Variants in PPIB observed in about 807,000 individuals in gnomAD.
The protein encoded by PPIB is peptidylprolyl isomerase B, also known as peptidyl-prolyl cis-trans isomerase B.
In PPIB, 15 loss-of-function variants were observed where a neutral mutation model predicts 20.1. The observed-to-expected ratio is 0.75, with a 90% CI of 0.50 to 1.15. PPIB has a LOEUF of 1.15. Among genes scored for constraint, PPIB ranks in the 50% most tolerant of loss-of-function variants. The pLI is 0.00. For missense variants in PPIB, 278 were observed against 283.0 expected, an observed-to-expected ratio of 0.98 and a Z score of 0.13; for synonymous variants, 129 against 111.0, an observed-to-expected ratio of 1.16 and a Z score of -1.02.
In PPIB at chr15:64,160,065, A is replaced by T; in HGVS notation, c.343+39T>A. 6.5e-7 allele frequency: 1 copy of T among 1,537,228 alleles called. No homozygotes were observed. Among genetic ancestry groups the T allele is most frequent in the Non-Finnish European group, 9.0e-7 (1 of 1,110,214 alleles). Reference sequence around the variant, plus strand: ...ACCTGGCCCTCCCACTGTGGAGGCTACACTGACATACTCCTTGGCCCAGAG... The same window carrying T: ...ACCTGGCCCTCCCACTGTGGAGGCTTCACTGACATACTCCTTGGCCCAGAG... On this transcript the variant is annotated intron_variant, in intron 3 of 4. Coordinates refer to ENST00000300026, the MANE Select transcript of PPIB (RefSeq NM_000942.5). The surrounding 1 kb of genome is among the most constrained non-coding windows in gnomAD (Gnocchi z 4.8).
rs1185366000 is a variant in PPIB at position 64,155,822 on chromosome 15, A to T, written c.*201T>A. The T allele has an allele frequency of 7.0e-6, 5 of 713,940 alleles. No individual in the cohort carries two copies. Among genetic ancestry groups the T allele is most frequent in the Non-Finnish European group, 1.1e-5 (5 of 447,054 alleles). 44.2% of individuals were successfully genotyped at this position (713,940 alleles called of 1,614,324 possible). A position where few individuals can be genotyped will look rare whatever the true frequency, so the allele number is the denominator to read the frequency against. On this transcript the variant is annotated 3_prime_UTR_variant, in exon 5 of 5. Transcript: ENST00000300026. The stretch of plus-strand genomic sequence containing the variant: ...AACCAGGCCCACACATTATATATTA[A>T]AAAAAAAAAAACCCACATTTTTTTT...
rs1212349248 is a variant in PPIB at position 64,156,593 on chromosome 15, A to G, written c.528+132T>C. On this transcript the variant is annotated intron_variant, in intron 4 of 4. Transcript: ENST00000300026. The surrounding 1 kb of genome is among the most constrained non-coding windows in gnomAD (Gnocchi z 6.4). ...TGGAGGTACAGGGTTTATTCTGGAC[A>G]GGAGCACTGGGCTGCATCTGTGGGT... 5 of 1,102,276 alleles carry G rather than the reference A, an allele frequency of 4.5e-6. No individual in the cohort carries two copies. The highest frequency in any genetic ancestry group is 2.4e-5 in the East Asian group (1 of 42,544). The allele number at this position is 1,102,276 out of a possible 1,614,324, so 68.3% of individuals were successfully genotyped here. A position where few individuals can be genotyped will look rare whatever the true frequency, so the allele number is the denominator to read the frequency against.
chr15:64,156,589 G>T lies in PPIB; in HGVS notation c.528+136C>A. 1.9e-6 allele frequency: 2 copies of T among 1,078,008 alleles called. No individual in the cohort carries two copies. The highest frequency in any genetic ancestry group is 1.4e-6 in the Non-Finnish European group (1 of 695,654). The allele number at this position is 1,078,008 out of a possible 1,614,324, so 66.8% of individuals were successfully genotyped here. A position where few individuals can be genotyped will look rare whatever the true frequency, so the allele number is the denominator to read the frequency against. ...GGCATGGAGGTACAGGGTTTATTCTGGACAGGAGCACTGGGCTGCATCTGT... is the reference window on the plus strand; with the variant it reads ...GGCATGGAGGTACAGGGTTTATTCTTGACAGGAGCACTGGGCTGCATCTGT... On this transcript the variant is annotated intron_variant, in intron 4 of 4. Transcript: ENST00000300026. The surrounding 1 kb of genome is among the most constrained non-coding windows in gnomAD (Gnocchi z 6.4).
rs1370355740 is a variant in PPIB, at chr15:64,160,690, A to T, written c.250-493T>A. ...AGACAGAGTTTCTCTCTTGTCACCC[A>T]GGCTGGAGTGCAATGGCACAATCTC... On this transcript the variant is annotated intron_variant, in intron 2 of 4. Coordinates refer to ENST00000300026, the MANE Select transcript of PPIB (RefSeq NM_000942.5). The surrounding 1 kb of genome is among the most constrained non-coding windows in gnomAD (Gnocchi z 4.8). 2.0e-5 allele frequency among the ~76,000 whole-genome samples: 3 copies of T among 152,206 alleles called. No individual in the cohort carries two copies. In the East Asian group the frequency reaches 5.8e-4, roughly 29 times the overall value.
rs367616150 is a variant in PPIB at position 64,162,995 on chromosome 15, G to A, written c.-9C>T. On this transcript the variant is annotated 5_prime_UTR_variant, in exon 1 of 5. Coordinates refer to ENST00000300026, the MANE Select transcript of PPIB (RefSeq NM_000942.5). ...TCGGAGAGGCGCAGCATCCACAGGC[G>A]GAGGCGAAAGCAGCCCGGACAGCTG... is the stretch of plus-strand genomic sequence containing the variant. 6.2e-7 allele frequency: 1 copy of A among 1,612,504 alleles called. No individual in the cohort carries two copies. Among genetic ancestry groups the A allele is most frequent in the East Asian group, 2.2e-5 (1 of 44,846 alleles).
chr15:64,162,210 G>A (rs1029606370), intron 1 of PPIB, 56 bp from the exon 2 acceptor site: 1 of 1,318,406 alleles, frequency 7.6e-7, no homozygotes, highest in Non-Finnish European at 1.1e-6. Context: ...TGCTAGGGGA[G>A]GGAAGGTACA....
chr15:64,162,750 G>C, intron 1 of PPIB, 102 bp downstream of exon 1: 2 of 1,535,118 alleles, frequency 1.3e-6, no homozygotes, highest in South Asian at 1.2e-5. Context: ...GACGCCACGA[G>C]GCCACAGACA....
chr15:64,156,338 G>T lies in PPIB; in HGVS notation c.529-193C>A. ...ATGCAGATTTGACGAGGGGGTACAG[G>T]AATTTTGTTCCTTTGAAGTAAGACC... On this transcript the variant is annotated intron_variant, in intron 4 of 4. Transcript: ENST00000300026. This position sits in a 1 kb window ranked among gnomAD's most constrained non-coding sequence, Gnocchi z 6.4. 1 of 792,310 alleles carries T rather than the reference G, an allele frequency of 1.3e-6. No homozygotes were observed. The highest frequency in any genetic ancestry group is 2.7e-5 in the East Asian group (1 of 37,242). The allele number at this position is 792,310 out of a possible 1,614,324, so 49.1% of individuals were successfully genotyped here.
At position 64,160,452 on chromosome 15, in the gene PPIB, T is replaced by C. The variant is rs1372026377; in HGVS notation, c.250-255A>G. Among the ~76,000 whole-genome samples, 1 of 152,144 alleles carries C rather than the reference T, an allele frequency of 6.6e-6. No homozygotes were observed. The highest frequency in any genetic ancestry group is 1.5e-5 in the Non-Finnish European group (1 of 68,026). ...TACAATTCTACATCACATAATGCTT[T>C]TCCCCTCATTTCTTCCAATCATAAG... On this transcript the variant is annotated intron_variant, in intron 2 of 4. Coordinates refer to ENST00000300026, the MANE Select transcript of PPIB (RefSeq NM_000942.5). The surrounding 1 kb of genome is among the most constrained non-coding windows in gnomAD (Gnocchi z 4.8).
chr15:64,157,759 G>A lies in PPIB; in HGVS notation c.344-850C>T, dbSNP rs116378352. Among the ~76,000 whole-genome samples, 180 of 152,236 alleles carry A rather than the reference G, an allele frequency of 1.2e-3. 7 individuals carry two copies. Among genetic ancestry groups the A allele is most frequent in the African/African-American group, 4.2e-3 (176 of 41,514 alleles). On this transcript the variant is annotated intron_variant, in intron 3 of 4. Coordinates refer to ENST00000300026, the MANE Select transcript of PPIB (RefSeq NM_000942.5). This position sits in a 1 kb window ranked among gnomAD's most constrained non-coding sequence, Gnocchi z 4.2. ...TTCTCACTGCACCTACCTTCATCCT[G>A]TGGTTCCACAGAATGGAACTGAGCT...
At position 64,156,019 on chromosome 15, in the gene PPIB, T is replaced by C. The variant is rs1005144213; in HGVS notation, c.*4A>G. On this transcript the variant is annotated 3_prime_UTR_variant, in exon 5 of 5. Coordinates refer to ENST00000300026, the MANE Select transcript of PPIB (RefSeq NM_000942.5). This position sits in a 1 kb window ranked among gnomAD's most constrained non-coding sequence, Gnocchi z 6.4. The stretch of plus-strand genomic sequence containing the variant: ...GGTCACTCAAAGAAAGATGTCCCTG[T>C]GCCCTACTCCTTGGCGATGGCAAAG... 6.2e-7 allele frequency: 1 copy of C among 1,614,054 alleles called. No homozygotes were observed. Among genetic ancestry groups the C allele is most frequent in the African/African-American group, 1.3e-5 (1 of 74,928 alleles).
In PPIB at chr15:64,157,060, T is replaced by C; in HGVS notation, c.344-151A>G. On this transcript the variant is annotated intron_variant, in intron 3 of 4. Transcript: ENST00000300026. This position sits in a 1 kb window ranked among gnomAD's most constrained non-coding sequence, Gnocchi z 4.2. Reference sequence around the variant, plus strand: ...ACATAAAAGCAGCGTCCTTCCTATCTTCTGGCCTCAGAGCCAAGCCATGCT... The same window carrying C: ...ACATAAAAGCAGCGTCCTTCCTATCCTCTGGCCTCAGAGCCAAGCCATGCT... 1.2e-6 allele frequency: 1 copy of C among 844,410 alleles called. No individual in the cohort carries two copies. The allele number at this position is 844,410 out of a possible 1,614,324, so 52.3% of individuals were successfully genotyped here.
intron 1 of PPIB, 96 bp from the exon 2 acceptor site, chr15:64,162,250 T>C: frequency 4.6e-6 from 4 of 868,594 alleles, no homozygotes; most frequent in Non-Finnish European, 8.0e-6. Flanking sequence ...GGAGAGAGAA[T>C]AGAGCCATAT....
intron 1 of PPIB, 104 bp downstream of exon 1, chr15:64,162,748 G>C: frequency 1.3e-6 from 2 of 1,531,488 alleles, no homozygotes; most frequent in Non-Finnish European, 1.8e-6. Flanking sequence ...CAGACGCCAC[G>C]AGGCCACAGA....
rs910372080 is a variant in PPIB at position 64,161,771 on chromosome 15, G to C, written c.249+270C>G. On this transcript the variant is annotated intron_variant, in intron 2 of 4. Transcript: ENST00000300026. This position sits in a 1 kb window ranked among gnomAD's most constrained non-coding sequence, Gnocchi z 4.2. ...GGGGGTAGAGACAGGGTCTTGCTAT[G>C]TTGCTCAGGTTGGCCTTGAACTCCT... Among the ~76,000 whole-genome samples the C allele has an allele frequency of 6.6e-6, 1 of 151,898 alleles. No homozygotes were observed.
chr15:64,162,283 C>G (rs1289007632), intron 1 of PPIB, 129 bp from the exon 2 acceptor site: 2 of 767,376 alleles, frequency 2.6e-6, no homozygotes, highest in Non-Finnish European at 4.7e-6. Context: ...GGTTCTGAAT[C>G]TGATTTTGGT....
Position 64,161,190 on chromosome 15 carries a change from G to C in PPIB, c.249+851C>G, listed in dbSNP as rs940114631. On this transcript the variant is annotated intron_variant, in intron 2 of 4. Transcript: ENST00000300026. This position sits in a 1 kb window ranked among gnomAD's most constrained non-coding sequence, Gnocchi z 4.2. ...TTGGCCAGGCTGGTCTCGAACTCCTGACCTCAGGTGATCTACCCGCCTCAG... is the reference window on the plus strand; with the variant it reads ...TTGGCCAGGCTGGTCTCGAACTCCTCACCTCAGGTGATCTACCCGCCTCAG... 1.3e-4 allele frequency among the ~76,000 whole-genome samples: 19 copies of C among 150,020 alleles called. No homozygotes were observed. The highest frequency in any genetic ancestry group is 4.7e-4 in the African/African-American group (19 of 40,764).
chr15:64,156,556 A>C lies in PPIB; in HGVS notation c.528+169T>G. 1 of 872,670 alleles carries C rather than the reference A, an allele frequency of 1.1e-6. No individual in the cohort carries two copies. The highest frequency in any genetic ancestry group is 1.7e-5 in the African/African-American group (1 of 60,540). 54.1% of individuals were successfully genotyped at this position (872,670 alleles called of 1,614,324 possible). ...TCTGAGGGGGCTGGAAGAATTTAGA[A>C]CCTTGGAGGCATGGAGGTACAGGGT... On this transcript the variant is annotated intron_variant, in intron 4 of 4. Coordinates refer to ENST00000300026, the MANE Select transcript of PPIB (RefSeq NM_000942.5). The surrounding 1 kb of genome is among the most constrained non-coding windows in gnomAD (Gnocchi z 6.4).
Position 64,160,345 on chromosome 15 carries a change from G to A in PPIB, c.250-148C>T. 1 of 726,688 alleles carries A rather than the reference G, an allele frequency of 1.4e-6. No homozygotes were observed. The highest frequency in any genetic ancestry group is 2.5e-6 in the Non-Finnish European group (1 of 403,540). 45.0% of individuals were successfully genotyped at this position (726,688 alleles called of 1,614,324 possible). ...CTTTCACTGTTCAGTGTGCTACTAA[G>A]TGAGCGGGCAGGCGCCACAGGACAG... On this transcript the variant is annotated intron_variant, in intron 2 of 4. Transcript: ENST00000300026. This position sits in a 1 kb window ranked among gnomAD's most constrained non-coding sequence, Gnocchi z 4.8.
Sources: allele counts gnomAD v4.1 joint callset (sites outside exome capture counted in the v4.1 genomes callset), GRCh38; gene constraint gnomAD v4.1.1; non-coding constraint Gnocchi (gnomAD v3.1); transcripts MANE v1.5; gene names NCBI Gene and HGNC (gene_info 2026-07-23, HGNC 2026-07-21).